The following FGR variants were observed in gnomAD, a reference collection of about 807,000 sequenced individuals.
FGR encodes tyrosine-protein kinase Fgr.
Under a neutral mutation model 63.2 loss-of-function variants are expected in FGR, and 26 were observed. The ratio of observed to expected loss-of-function variants is 0.41; its 90% CI spans 0.30 to 0.57. FGR has a LOEUF of 0.57. FGR is among the 20% of genes least tolerant of loss of function. The probability of loss-of-function intolerance (pLI) is 0.27; values close to 1 mark genes in which losing one functional copy is unlikely to be tolerated. For missense variants in FGR, 511 were observed against 690.8 expected (o/e 0.74, Z 2.92); for synonymous variants, 286 against 277.7 (o/e 1.03, Z -0.30).
Position 27,617,300 on chromosome 1 carries a change from T to C in FGR, c.429-4A>G. ...CCCAATCTTTCCAAAGTACCACCTGTTGGGAAAGGCAGGCAAGAGTCAGGT... is the reference window on the plus strand; with the variant it reads ...CCCAATCTTTCCAAAGTACCACCTGCTGGGAAAGGCAGGCAAGAGTCAGGT... On this transcript the variant is annotated splice_region_variant and splice_polypyrimidine_tract_variant and intron_variant, in intron 5 of 12. Coordinates refer to ENST00000374005, the MANE Select transcript of FGR (RefSeq NM_005248.3). This position sits in a 1 kb window ranked among gnomAD's most constrained non-coding sequence, Gnocchi z 4.5. The C allele has an allele frequency of 6.2e-7, 1 of 1,611,820 alleles. No individual in the cohort carries two copies. The highest frequency in any genetic ancestry group is 8.5e-7 in the Non-Finnish European group (1 of 1,177,990).
Position 27,614,444 on chromosome 1 carries a change from T to C in FGR, c.1235A>G (p.Tyr412Cys). 6.2e-7 allele frequency: 1 copy of C among 1,613,380 alleles called. No homozygotes were observed. Among genetic ancestry groups the C allele is most frequent in the Non-Finnish European group, 8.5e-7 (1 of 1,179,686 alleles). Residue 412 changes from tyrosine to cysteine, a missense_variant, in exon 11 of 13, where the codon TAC (tyrosine) becomes TGC (cysteine). Coordinates refer to ENST00000374005, the MANE Select transcript of FGR (RefSeq NM_005248.3). ...GLARLIKDDE[Y>C]NPCQGSKFPI... is the part of the protein sequence containing the mutation. ...AAGCAGGGCACCTTGGCAGGGGTTG[T>C]ACTCATCGTCCTTGATGAGACGCGC...
chr1:27,622,707 T>C (rs374676692), intron 4 of FGR, among the ~76,000 whole-genome samples: 5 of 152,198 alleles, frequency 3.3e-5, no homozygotes, highest in African/African-American at 9.7e-5. Context: ...GGTTTCACCA[T>C]GTTGGCCAGG....
At chr1:27,625,230 T>G (rs1202707051) in intron 1 of FGR, 79 bp from the exon 2 acceptor site, 1 of 152,734 alleles carries the variant, frequency 6.5e-6, no homozygotes, top group Non-Finnish European at 1.5e-5. Flanking sequence ...TCCTGCCCTC[T>G]TCAGGAAGCC....
At chr1:27,625,458 G>T (rs1337758435) in intron 1 of FGR, among the ~76,000 whole-genome samples, 2 of 152,134 alleles carry the variant, frequency 1.3e-5, no homozygotes, top group African/African-American at 4.8e-5. Flanking sequence ...GCCAATACAG[G>T]CTCTAACAAG....
In FGR at chr1:27,617,203, C is replaced by T; in HGVS notation, c.522G>A (p.Glu174=). 1 of 1,614,030 alleles carries T rather than the reference C, an allele frequency of 6.2e-7. No individual in the cohort carries two copies. The highest frequency in any genetic ancestry group is 8.5e-7 in the Non-Finnish European group (1 of 1,179,894). Residue 174 remains glutamate (E), a synonymous_variant, in exon 6 of 13, where the codon GAG becomes GAA. Transcript: ENST00000374005. This position sits in a 1 kb window ranked among gnomAD's most constrained non-coding sequence, Gnocchi z 4.5. ...TGGCACCACCCCTACCTTTGGTGGT[C>T]TCGCTTTCCCGAATGAGAAAGGCCC... ...PQGAFLIRES[E]TTKGAYSLSI...
chr1:27,629,743 C>T (rs759637526), intron 1 of FGR, among the ~76,000 whole-genome samples: 3 of 152,234 alleles, frequency 2.0e-5, no homozygotes, highest in Non-Finnish European at 4.4e-5. Context: ...AAGTAACTCC[C>T]AGTCATGGTC....
rs1446153323 is a variant in FGR, at chr1:27,616,696, C to T, written c.682+161G>A. On this transcript the variant is annotated intron_variant, in intron 7 of 12. Coordinates refer to ENST00000374005, the MANE Select transcript of FGR (RefSeq NM_005248.3). This position sits in a 1 kb window ranked among gnomAD's most constrained non-coding sequence, Gnocchi z 4.3. ...GTGAAGGACTGCTTTCCTCCAGAAG[C>T]TCACAGAGCTGGATCCTGGGCTGGC... Among the ~76,000 whole-genome samples, 1 of 152,220 alleles carries T rather than the reference C, an allele frequency of 6.6e-6. No homozygotes were observed. The highest frequency in any genetic ancestry group is 2.4e-5 in the African/African-American group (1 of 41,454).
chr1:27,615,306 C>T lies in FGR; in HGVS notation c.1018+128G>A. 1 of 1,130,992 alleles carries T rather than the reference C, an allele frequency of 8.8e-7. No individual in the cohort carries two copies. The allele number at this position is 1,130,992 out of a possible 1,614,324, so 70.1% of individuals were successfully genotyped here. A position where few individuals can be genotyped will look rare whatever the true frequency, so the allele number is the denominator to read the frequency against. ...CTCAGCCCTCCAGTCGTTTTACACACCTGGTCCCTTAGTGGGACTCTGCCC... is the reference window on the plus strand; with the variant it reads ...CTCAGCCCTCCAGTCGTTTTACACATCTGGTCCCTTAGTGGGACTCTGCCC... On this transcript the variant is annotated intron_variant, in intron 9 of 12. Coordinates refer to ENST00000374005, the MANE Select transcript of FGR (RefSeq NM_005248.3). This position sits in a 1 kb window ranked among gnomAD's most constrained non-coding sequence, Gnocchi z 7.6.
intron 4 of FGR, 47 bp from the exon 5 acceptor site, chr1:27,621,704 A>G: frequency 7.3e-7 from 1 of 1,362,682 alleles, no homozygotes; most frequent in Middle Eastern, 1.8e-4. Context: ...CCAGCCCCCA[A>G]GGCACCCTGA....
chr1:27,615,784 G>T lies in FGR; in HGVS notation c.743C>A (p.Thr248Lys). ...IAPCTIMKPQ[T>K]LGLAKDAWEI... ...CCAGGCGTCCTTGGCCAGGCCCAGCGTCTGCGGCTTCATGATGGTGCAGGG... is the reference window on the plus strand; with the variant it reads ...CCAGGCGTCCTTGGCCAGGCCCAGCTTCTGCGGCTTCATGATGGTGCAGGG... The change falls in exon 8 of 13, where the codon ACG (threonine) becomes AAG (lysine). Residue 248 changes from threonine (T) to lysine (K), a missense_variant. Physicochemically the swap from Thr to Lys is moderately conservative, Grantham distance 78. Coordinates refer to ENST00000374005, the MANE Select transcript of FGR (RefSeq NM_005248.3). This position sits in a 1 kb window ranked among gnomAD's most constrained non-coding sequence, Gnocchi z 7.6. The T allele has an allele frequency of 6.2e-7, 1 of 1,602,198 alleles. No individual in the cohort carries two copies. Among genetic ancestry groups the T allele is most frequent in the Non-Finnish European group, 8.5e-7 (1 of 1,174,450 alleles).
chr1:27,621,951 C>T (rs1480485208), intron 4 of FGR, among the ~76,000 whole-genome samples: 1 of 152,152 alleles, frequency 6.6e-6, no homozygotes, highest in Non-Finnish European at 1.5e-5. Context: ...GACTAGGTCA[C>T]TTCCCCACAG....
intron 1 of FGR, among the ~76,000 whole-genome samples, chr1:27,633,164 C>T (rs943853422): frequency 3.3e-5 from 5 of 152,134 alleles, no homozygotes; most frequent in Admixed American, 6.5e-5. Flanking sequence ...CCCTCCTCCC[C>T]GGAGGGTACA....
intron 10 of FGR, 115 bp downstream of exon 10, chr1:27,614,735 A>G: frequency 7.6e-7 from 1 of 1,316,834 alleles, no homozygotes; most frequent in South Asian, 1.3e-5. Flanking sequence ...GCACAGCTGG[A>G]GGCACAGCTG....
chr1:27,627,180 A>C (rs575550137), intron 1 of FGR, among the ~76,000 whole-genome samples: 98 of 152,042 alleles, frequency 6.4e-4, no homozygotes, highest in African/African-American at 2.3e-3. Context: ...TCTATTTTAA[A>C]AAGAAAACAG....
chr1:27,619,457 C>T (rs1256217465), intron 5 of FGR, among the ~76,000 whole-genome samples: 1 of 152,232 alleles, frequency 6.6e-6, no homozygotes, highest in Non-Finnish European at 1.5e-5. Flanking sequence ...TCCCAAAGTG[C>T]TGGGATTACA....
At chr1:27,624,153 C>G in intron 2 of FGR, 1 of 496,510 alleles carries the variant, frequency 2.0e-6, no homozygotes, top group Admixed American at 3.7e-5. Flanking sequence ...TTCCCATTGG[C>G]TCATGTCTAT....
Position 27,623,107 on chromosome 1 carries a change from A to G in FGR, c.264T>C (p.Tyr88=). The change falls in exon 4 of 13, where the codon TAT becomes TAC. Residue 88 remains tyrosine, a synonymous_variant. Coordinates refer to ENST00000374005, the MANE Select transcript of FGR (RefSeq NM_005248.3). The stretch of plus-strand genomic sequence containing the variant: ...TGAGGTCATCCTCAGTTCGAGCCTC[A>G]TAGTCATACAGGGCAATGAACAGGG... ...GVTLFIALYD[Y]EARTEDDLTF... is the part of the protein sequence containing the mutation. 1 of 1,614,140 alleles carries G rather than the reference A, an allele frequency of 6.2e-7. No individual in the cohort carries two copies. The highest frequency in any genetic ancestry group is 8.5e-7 in the Non-Finnish European group (1 of 1,179,982).
At chr1:27,630,197 C>T (rs551768225) in intron 1 of FGR, among the ~76,000 whole-genome samples, 223 of 152,178 alleles carry the variant, frequency 1.5e-3, no homozygotes, top group African/African-American at 5.2e-3. Flanking sequence ...GGACTACAGG[C>T]GCGCTGCCAA....
At chr1:27,628,714 T>C (rs1291846692) in intron 1 of FGR, among the ~76,000 whole-genome samples, 1 of 152,148 alleles carries the variant, frequency 6.6e-6, no homozygotes, top group Non-Finnish European at 1.5e-5. Flanking sequence ...CTATATCAGA[T>C]GGAGGGGATC....
Sources: allele counts gnomAD v4.1 joint callset (sites outside exome capture counted in the v4.1 genomes callset), GRCh38; gene constraint gnomAD v4.1.1; non-coding constraint Gnocchi (gnomAD v3.1); transcripts MANE v1.5; gene names NCBI Gene and HGNC (gene_info 2026-07-23, HGNC 2026-07-21).